Variants in ZNF729 observed in about 807,000 individuals in gnomAD.
The protein encoded by ZNF729 is zinc finger protein 729.
Under a neutral mutation model 12.2 loss-of-function variants are expected in ZNF729, and 15 were observed. That is an observed-to-expected ratio of 1.23 (90% CI 0.82 to 1.89). The LOEUF (loss-of-function observed/expected upper bound fraction) is 1.89, where lower values mean the gene tolerates loss of function less well. Among genes scored for constraint, ZNF729 ranks in the 40% most tolerant of loss-of-function variants. The pLI, the probability that ZNF729 is intolerant of heterozygous loss-of-function variation, is 0.00. For synonymous variants in ZNF729, 492 were observed against 476.3 expected (o/e 1.03, Z -0.43); for missense variants, 1,540 against 1,456.7 (o/e 1.06, Z -0.93).
chr19:22,314,529 C>A lies in ZNF729; in HGVS notation c.1112C>A (p.Thr371Asn). Residue 371 changes from threonine (T) to asparagine (N), a missense_variant, in exon 4 of 4, where the codon ACT becomes AAT. Physicochemically the swap from Thr to Asn is moderately conservative, Grantham distance 65. Coordinates refer to ENST00000601693, the MANE Select transcript of ZNF729 (RefSeq NM_001242680.2). ...STLRKHEIIH[T>N]GEKPYKCEEC... Reference sequence around the variant, plus strand: ...CTTAGAAAACATGAGATAATTCATACTGGAGAGAAACCCTACAAATGTGAA... The same window carrying A: ...CTTAGAAAACATGAGATAATTCATAATGGAGAGAAACCCTACAAATGTGAA... 3 of 1,611,014 alleles carry A rather than the reference C, an allele frequency of 1.9e-6. No individual in the cohort carries two copies. Among genetic ancestry groups the A allele is most frequent in the Non-Finnish European group, 2.5e-6 (3 of 1,179,454 alleles).
Position 22,313,807 on chromosome 19 carries a change from T to A in ZNF729, c.390T>A (p.Asn130Lys). The change falls in exon 4 of 4, where the codon AAT becomes AAA. Residue 130 changes from asparagine to lysine, a missense_variant. By Grantham distance (94) the Asn-to-Lys change is moderately conservative (BLOSUM62 0). Coordinates refer to ENST00000601693, the MANE Select transcript of ZNF729 (RefSeq NM_001242680.2). ...LRLRKDCKSA[N>K]EGKMHKEGYN... ...TAAGAAAAGATTGTAAAAGTGCCAA[T>A]GAGGGTAAGATGCACAAAGAAGGTT... 11 of 1,596,208 alleles carry A rather than the reference T, an allele frequency of 6.9e-6. No individual in the cohort carries two copies. Among genetic ancestry groups the A allele is most frequent in the Non-Finnish European group, 9.4e-6 (11 of 1,172,786 alleles).
rs1286034906 is a variant in ZNF729, at chr19:22,307,794, CTCTGTGTTTTTTTTTTT to C, written c.253+3013_253+3029del. On this transcript the variant is annotated intron_variant, in intron 3 of 3. Transcript: ENST00000601693. The stretch of plus-strand genomic sequence containing the variant: ...TTTTATTACATCAAAATTTGGAAAG[CTCTGTGTTTTTTTTTTT>C]TTTTTTTTTTTTTGTCTTTAAGTAA... 1.9e-4 allele frequency among the ~76,000 whole-genome samples: 23 copies of C among 121,900 alleles called. 1 individual carries two copies. The highest frequency in any genetic ancestry group is 7.5e-4 in the African/African-American group (22 of 29,220). The allele number at this position is 121,900 out of a possible 152,430, so 80.0% of individuals were successfully genotyped here. A position where few individuals can be genotyped will look rare whatever the true frequency, so the allele number is the denominator to read the frequency against.
At chr19:22,303,248 T>G (rs1968336376) in intron 1 of ZNF729, among the ~76,000 whole-genome samples, 1 of 150,190 alleles carries the variant, frequency 6.7e-6, no homozygotes, top group Non-Finnish European at 1.5e-5. Context: ...TTGCTGAATG[T>G]TTGACAAAAG....
At chr19:22,288,990 G>A (rs1968117280) in intron 1 of ZNF729, among the ~76,000 whole-genome samples, 2 of 152,106 alleles carry the variant, frequency 1.3e-5, no homozygotes, top group South Asian at 2.1e-4. Context: ...GGGCACTTAA[G>A]TGAGCAGAAT....
chr19:22,296,645 A>T (rs1461717685), intron 1 of ZNF729, among the ~76,000 whole-genome samples: 1 of 151,774 alleles, frequency 6.6e-6, no homozygotes. Flanking sequence ...TTGTCTGCTG[A>T]TAGCTTAGGA....
chr19:22,307,481 T>C (rs1373877815), intron 3 of ZNF729, among the ~76,000 whole-genome samples: 4 of 152,022 alleles, frequency 2.6e-5, no homozygotes, highest in Non-Finnish European at 5.9e-5. Context: ...CGGTGGCTTA[T>C]GCCTGTAATC....
Position 22,314,029 on chromosome 19 carries a change from A to G in ZNF729, c.612A>G (p.Arg204=). Residue 204 remains arginine, a synonymous_variant, in exon 4 of 4, where the codon AGA becomes AGG. Coordinates refer to ENST00000601693, the MANE Select transcript of ZNF729 (RefSeq NM_001242680.2). ...TTCGACATAAGAGAATTCATATTAG[A>G]CAGAATATCTACAAATGTGAAGAAC... ...CLIRHKRIHI[R]QNIYKCEERG... 6.5e-7 allele frequency: 1 copy of G among 1,541,560 alleles called. No homozygotes were observed. The highest frequency in any genetic ancestry group is 8.7e-7 in the Non-Finnish European group (1 of 1,145,918).
chr19:22,298,599 C>T (rs1968263177), intron 1 of ZNF729, among the ~76,000 whole-genome samples: 1 of 152,172 alleles, frequency 6.6e-6, no homozygotes, highest in African/African-American at 2.4e-5. Flanking sequence ...CTACATCCTC[C>T]ACCTCCTGGG....
intron 1 of ZNF729, among the ~76,000 whole-genome samples, chr19:22,288,473 AC>A (rs1245184467): frequency 6.6e-6 from 1 of 151,792 alleles, no homozygotes; most frequent in Non-Finnish European, 1.5e-5. Context: ...TAACTAAAAT[AC>A]CCCCCATGGC....
chr19:22,294,928 A>T (rs1401921683), intron 1 of ZNF729, among the ~76,000 whole-genome samples: 1 of 151,766 alleles, frequency 6.6e-6, no homozygotes, highest in African/African-American at 2.4e-5. Flanking sequence ...AAGTGCTGAG[A>T]TTACAGGCAT....
chr19:22,316,342 A>G lies in ZNF729; in HGVS notation c.2925A>G (p.Gln975=), dbSNP rs181686119. 4.8e-5 allele frequency: 77 copies of G among 1,613,018 alleles called. No homozygotes were observed. The African/African-American group carries it at 8.0e-4, about 17-fold the overall frequency. Residue 975 remains glutamine, a synonymous_variant, in exon 4 of 4, where the codon CAA becomes CAG. Transcript: ENST00000601693. ...CAGAATGTGGCAAAGCTTTTAAGCA[A>G]TCCTCACATCTTACTAGACATAAAG... The part of the protein sequence containing the change: ...KCAECGKAFK[Q]SSHLTRHKAI...
At chr19:22,310,364 A>T (rs1415815168) in intron 3 of ZNF729, among the ~76,000 whole-genome samples, 1 of 152,052 alleles carries the variant, frequency 6.6e-6, no homozygotes, top group African/African-American at 2.4e-5. Flanking sequence ...TATTACATTG[A>T]TGTATGTCCC....
rs1187833444 is a variant in ZNF729 at position 22,316,800 on chromosome 19, G to T, written c.3383G>T (p.Gly1128Val). Residue 1128 changes from glycine (G) to valine (V), a missense_variant, in exon 4 of 4, where the codon GGG (glycine) becomes GTG (valine). Coordinates refer to ENST00000601693, the MANE Select transcript of ZNF729 (RefSeq NM_001242680.2). ...TLTKHKIIHT[G>V]EKPYKCEECG... Reference sequence around the variant, plus strand: ...ACGAAACATAAGATAATTCATACTGGGGAGAAACCCTACAAATGTGAAGAA... The same window carrying T: ...ACGAAACATAAGATAATTCATACTGTGGAGAAACCCTACAAATGTGAAGAA... 2.5e-6 allele frequency: 4 copies of T among 1,613,178 alleles called. No individual in the cohort carries two copies. The highest frequency in any genetic ancestry group is 3.4e-6 in the Non-Finnish European group (4 of 1,179,936).
chr19:22,294,639 T>C (rs966336701), intron 1 of ZNF729, among the ~76,000 whole-genome samples: 3 of 137,464 alleles, frequency 2.2e-5, no homozygotes, highest in East Asian at 4.5e-4. Context: ...CTCGGACTTT[T>C]TTTTTTTTTT....
At chr19:22,293,422 G>A (rs1698835044) in intron 1 of ZNF729, among the ~76,000 whole-genome samples, 1 of 151,110 alleles carries the variant, frequency 6.6e-6, no homozygotes, top group Admixed American at 6.6e-5. Flanking sequence ...CTGACCTCAA[G>A]TGCTCTTTCC....
chr19:22,305,972 TTTTTG>T (rs111912345), intron 3 of ZNF729, among the ~76,000 whole-genome samples: 1 of 151,962 alleles, frequency 6.6e-6, no homozygotes, highest in South Asian at 2.1e-4. Flanking sequence ...CTAGCTAGTT[TTTTTG>T]TTTTGTTTTG....
At chr19:22,310,846 A>T (rs1381004327) in intron 3 of ZNF729, among the ~76,000 whole-genome samples, 1 of 152,058 alleles carries the variant, frequency 6.6e-6, no homozygotes, top group Non-Finnish European at 1.5e-5. Flanking sequence ...GGATGATTTT[A>T]AAATTACCAT....
rs1968078187 is a variant in ZNF729, at chr19:22,286,474, C to T, written c.-52C>T. On this transcript the variant is annotated 5_prime_UTR_variant, in exon 1 of 4. Coordinates refer to ENST00000601693, the MANE Select transcript of ZNF729 (RefSeq NM_001242680.2). ...CGGTCTCGCCTTCACTGCTGTGTGTCCTCAGCCTCTGTGGCCCTGTAACCT... is the reference window on the plus strand; with the variant it reads ...CGGTCTCGCCTTCACTGCTGTGTGTTCTCAGCCTCTGTGGCCCTGTAACCT... 1.6e-5 allele frequency: 26 copies of T among 1,610,170 alleles called. No individual in the cohort carries two copies. The highest frequency in any genetic ancestry group is 2.1e-5 in the Non-Finnish European group (25 of 1,178,814).
chr19:22,292,221 G>T (rs1261843583), intron 1 of ZNF729, among the ~76,000 whole-genome samples: 1 of 152,132 alleles, frequency 6.6e-6, no homozygotes, highest in Non-Finnish European at 1.5e-5. Context: ...CTAGAACTCA[G>T]TGTCTGTTGT....
Sources: allele counts gnomAD v4.1 joint callset (sites outside exome capture counted in the v4.1 genomes callset), GRCh38; gene constraint gnomAD v4.1.1; transcripts MANE v1.5; gene names NCBI Gene and HGNC (gene_info 2026-07-23, HGNC 2026-07-21).